TSC22D3: variants seen among roughly 807,000 people sequenced by gnomAD.
TSC22D3 encodes TSC22 domain family protein 3.
TSC22D3 carries 4 observed loss-of-function variants against 11.1 expected under a neutral mutation model. The ratio of observed to expected loss-of-function variants is 0.36; its 90% CI spans 0.18 to 0.83. TSC22D3 has a LOEUF of 0.83. Among genes scored for constraint, TSC22D3 ranks in the 40% least tolerant of loss-of-function variants. The pLI is 0.48. For missense variants in TSC22D3, 118 were observed against 159.4 expected (o/e 0.74, Z 1.40); for synonymous variants, 77 against 70.3 (o/e 1.10, Z -0.48).
chrX:107,766,540 A>C (rs1321121582), intron 1 of TSC22D3, among the ~76,000 whole-genome samples: 1 of 95,994 alleles, frequency 1.0e-5, no homozygotes, highest in African/African-American at 3.9e-5. Context: ...GACTTCTGCG[A>C]CCTGTTCTGG....
chrX:107,746,805 C>G (rs1928687535), intron 1 of TSC22D3, among the ~76,000 whole-genome samples: 1 of 112,434 alleles, frequency 8.9e-6, no homozygotes, highest in Non-Finnish European at 1.9e-5. Flanking sequence ...GGAGTCTGCG[C>G]TCAATACATT....
intron 1 of TSC22D3, among the ~76,000 whole-genome samples, chrX:107,751,663 C>A (rs760993802): frequency 4.0e-3 from 448 of 112,305 alleles, no homozygotes; most frequent in African/African-American, 0.014. Context: ...GGGGAGGGAC[C>A]AGAGGCCTAG....
chrX:107,771,084 T>C, intron 1 of TSC22D3, among the ~76,000 whole-genome samples: 1 of 112,066 alleles, frequency 8.9e-6, no homozygotes, highest in East Asian at 2.8e-4. Context: ...TTTGGAAAGG[T>C]TCTGAGCTCA....
chrX:107,723,334 T>C (rs1927447987), intron 1 of TSC22D3, among the ~76,000 whole-genome samples: 1 of 112,641 alleles, frequency 8.9e-6, no homozygotes, highest in South Asian at 3.6e-4. Context: ...AGGTATTTGC[T>C]TTCTGAGTTG....
At chrX:107,729,849 T>C (rs1380329015) in intron 1 of TSC22D3, among the ~76,000 whole-genome samples, 1 of 112,978 alleles carries the variant, frequency 8.9e-6, no homozygotes, top group Non-Finnish European at 1.9e-5. Context: ...GAAGAAAATG[T>C]AGAACAGCTT....
At position 107,737,564 on chromosome X, in the gene TSC22D3, C is replaced by T. The variant is rs1473660856; in HGVS notation, c.321-21614G>A. Among the ~76,000 whole-genome samples the T allele has an allele frequency of 3.6e-5, 4 of 111,368 alleles. No homozygotes were observed. The South Asian group carries it at 1.1e-3, about 32-fold the overall frequency. On this transcript the variant is annotated intron_variant, in intron 1 of 2. Coordinates refer to ENST00000372383, the MANE Select transcript of TSC22D3 (RefSeq NM_198057.3). ...CCTCCGTGCACAAAGAGGGTGGCTG[C>T]CTCCATGCTGCTTTTTTTCTTTTTT...
rs1926917089 is a variant in TSC22D3, at chrX:107,714,699, G to A, written c.423C>T (p.Ile141=). The A allele has an allele frequency of 8.3e-7, 1 of 1,211,581 alleles. No homozygotes were observed. Among genetic ancestry groups the A allele is most frequent in the Non-Finnish European group, 1.1e-6 (1 of 895,416 alleles). ...CCAGCTCTCGGATCTGCTCCTTCAG[G>A]ATCTCCACCTCCTCTCTCACAGCAT... ...LMYAVREEVE[I]LKEQIRELVE... is the part of the protein sequence containing the mutation. The change falls in exon 3 of 3, where the codon ATC becomes ATT. Residue 141 remains isoleucine (I), a synonymous_variant. Coordinates refer to ENST00000372383, the MANE Select transcript of TSC22D3 (RefSeq NM_198057.3).
chrX:107,754,601 G>C (rs1248980987), intron 1 of TSC22D3, among the ~76,000 whole-genome samples: 1 of 112,177 alleles, frequency 8.9e-6, no homozygotes, highest in African/African-American at 3.2e-5. Context: ...GCAATGAGTT[G>C]CTAGCACACA....
At chrX:107,770,406 T>C (rs1048861378) in intron 1 of TSC22D3, among the ~76,000 whole-genome samples, 2 of 112,478 alleles carry the variant, frequency 1.8e-5, no homozygotes, top group Admixed American at 9.4e-5. Flanking sequence ...AATAATTTTT[T>C]GCACAAATTT....
rs949973152 is a variant in TSC22D3 at position 107,775,783 on chromosome X, T to C, written c.-364A>G. On this transcript the variant is annotated 5_prime_UTR_variant, in exon 1 of 3. Coordinates refer to ENST00000372383, the MANE Select transcript of TSC22D3 (RefSeq NM_198057.3). The stretch of plus-strand genomic sequence containing the variant: ...GTGAGCGGGGATTGGGGCGGACCTG[T>C]GGAGGCAGGAAGGGCGGGCAGCAGG... The C allele has an allele frequency of 5.5e-5, 7 of 128,410 alleles. No homozygotes were observed. The Admixed American group carries it at 6.1e-4, about 11-fold the overall frequency. The allele number at this position is 128,410 out of a possible 1,213,427, so 10.6% of individuals were successfully genotyped here.
chrX:107,742,304 AGAGAGAGAGAGAGAGT>A (rs1282331121), intron 1 of TSC22D3, among the ~76,000 whole-genome samples: 3 of 91,642 alleles, frequency 3.3e-5, no homozygotes, highest in African/African-American at 1.3e-4. Flanking sequence ...AGAGAGAGAG[AGAGAGAGAGAGAGAGT>A]GTGTGTGCGC....
chrX:107,716,660 GGA>G (rs1459321271), intron 1 of TSC22D3: 1 of 1,187,353 alleles, frequency 8.4e-7, no homozygotes, highest in African/African-American at 1.8e-5. Context: ...CCCCGGCTCG[GGA>G]GGCGCCGGAG....
At chrX:107,722,703 T>A (rs1004711731) in intron 1 of TSC22D3, among the ~76,000 whole-genome samples, 4 of 111,279 alleles carry the variant, frequency 3.6e-5, no homozygotes, top group African/African-American at 1.3e-4. Flanking sequence ...GCCCTCCTCT[T>A]ATTTTCCACC....
At chrX:107,730,345 G>A (rs1037731741) in intron 1 of TSC22D3, among the ~76,000 whole-genome samples, 1 of 111,993 alleles carries the variant, frequency 8.9e-6, no homozygotes, top group Non-Finnish European at 1.9e-5. Flanking sequence ...TGCACTCCAG[G>A]CAGCAACTGG....
intron 1 of TSC22D3, among the ~76,000 whole-genome samples, chrX:107,737,487 C>T (rs1030012505): frequency 1.8e-5 from 2 of 111,334 alleles, no homozygotes; most frequent in Admixed American, 1.9e-4. Flanking sequence ...TGGATGTTGG[C>T]CCTTTTCCCA....
chrX:107,758,578 A>G (rs1243534690), intron 1 of TSC22D3, among the ~76,000 whole-genome samples: 1 of 111,725 alleles, frequency 9.0e-6, no homozygotes, highest in Non-Finnish European at 1.9e-5. Context: ...GCCTGGTGAG[A>G]GTGGGGATTT....
At chrX:107,725,986 C>G (rs1242095337) in intron 1 of TSC22D3, among the ~76,000 whole-genome samples, 1 of 111,784 alleles carries the variant, frequency 8.9e-6, no homozygotes, top group Non-Finnish European at 1.9e-5. Flanking sequence ...GGGTCAATTC[C>G]CAGGTGAGCT....
In TSC22D3 at chrX:107,736,914, G is replaced by C. The variant is rs755193247; in HGVS notation, c.321-20964C>G. Among the ~76,000 whole-genome samples the C allele has an allele frequency of 1.4e-4, 16 of 112,027 alleles. No individual in the cohort carries two copies. In the South Asian group the frequency reaches 6.0e-3, roughly 42 times the overall value. On this transcript the variant is annotated intron_variant, in intron 1 of 2. Transcript: ENST00000372383. ...AAGTATGTGTTGAGATAAAGTCATA[G>C]CCTCTCCAATTCTCAGTTCATGGCC... is the stretch of plus-strand genomic sequence containing the variant.
intron 1 of TSC22D3, among the ~76,000 whole-genome samples, chrX:107,736,894 T>C (rs1443068417): frequency 9.0e-6 from 1 of 111,613 alleles, no homozygotes; most frequent in African/African-American, 3.3e-5. Context: ...CTATCAAGTA[T>C]GTGTTGAGAT....
Sources: gnomAD v4.1 joint callset for allele counts (sites outside exome capture counted in the v4.1 genomes callset) on GRCh38, gnomAD v4.1.1 for gene constraint, MANE v1.5 for transcripts, NCBI Gene and HGNC (gene_info 2026-07-23, HGNC 2026-07-21) for gene names.